RPS6KA5: variants seen among roughly 807,000 people sequenced by gnomAD.
The protein encoded by RPS6KA5 is ribosomal protein S6 kinase alpha-5.
Under a neutral mutation model 85.5 loss-of-function variants are expected in RPS6KA5, and 27 were observed. The observed-to-expected ratio is 0.32, with a 90% CI of 0.23 to 0.44. The LOEUF (loss-of-function observed/expected upper bound fraction) is 0.44. Among genes scored for constraint, RPS6KA5 ranks in the 20% least tolerant of loss-of-function variants. RPS6KA5 has a pLI of 1.00. For synonymous variants in RPS6KA5, 334 were observed against 348.2 expected, an observed-to-expected ratio of 0.96 and a Z score of 0.46; for missense variants, 811 against 980.9, an observed-to-expected ratio of 0.83 and a Z score of 2.31.
intron 2 of RPS6KA5, among the ~76,000 whole-genome samples, chr14:90,992,100 A>T (rs78387716): frequency 1.3e-5 from 2 of 152,198 alleles, no homozygotes; most frequent in African/African-American, 4.8e-5. Context: ...GCTGAAAAAA[A>T]TTTATCTTAA....
intron 1 of RPS6KA5, among the ~76,000 whole-genome samples, chr14:91,051,559 G>C (rs536945924): frequency 4.2e-4 from 64 of 152,208 alleles, no homozygotes; most frequent in Non-Finnish European, 6.9e-4. Context: ...TGCGATCGCA[G>C]CTCACTGCAA....
At chr14:90,948,703 AAAC>A (rs1018156541) in intron 3 of RPS6KA5, among the ~76,000 whole-genome samples, 17 of 151,696 alleles carry the variant, frequency 1.1e-4, no homozygotes, top group Non-Finnish European at 2.1e-4. Context: ...TCAAAAAAAA[AAAC>A]AAAAAAACCC....
intron 12 of RPS6KA5, among the ~76,000 whole-genome samples, chr14:90,895,084 T>C (rs182560468): frequency 8.5e-5 from 13 of 152,336 alleles, no homozygotes; most frequent in African/African-American, 3.1e-4. Context: ...TCACTTGCTT[T>C]AAATAATACA....
At chr14:91,047,996 T>A (rs889505488) in intron 1 of RPS6KA5, among the ~76,000 whole-genome samples, 1 of 152,208 alleles carries the variant, frequency 6.6e-6, no homozygotes, top group Admixed American at 6.5e-5. Flanking sequence ...CCACATGGAT[T>A]ACCCAAAATA....
chr14:90,949,420 T>C (rs1236122062), intron 3 of RPS6KA5, among the ~76,000 whole-genome samples: 2 of 152,234 alleles, frequency 1.3e-5, no homozygotes, highest in African/African-American at 4.8e-5. Context: ...CATACTTACT[T>C]TCTCTGCTAA....
At chr14:91,057,015 G>A (rs888401096) in intron 1 of RPS6KA5, among the ~76,000 whole-genome samples, 2 of 151,076 alleles carry the variant, frequency 1.3e-5, no homozygotes, top group Non-Finnish European at 2.9e-5. Flanking sequence ...GAGTAGCTGG[G>A]ACTACAGGTA....
chr14:90,998,709 T>G (rs2040640233), intron 2 of RPS6KA5, among the ~76,000 whole-genome samples: 1 of 152,214 alleles, frequency 6.6e-6, no homozygotes, highest in African/African-American at 2.4e-5. Context: ...AAGGTGGAAA[T>G]GTACAATAAC....
chr14:90,925,734 C>A (rs1338437621), intron 5 of RPS6KA5, among the ~76,000 whole-genome samples: 2 of 151,130 alleles, frequency 1.3e-5, no homozygotes, highest in East Asian at 3.9e-4. Flanking sequence ...TAAAATAAGA[C>A]AGCCTGGGCA....
At chr14:90,935,748 T>C (rs2037220281) in intron 5 of RPS6KA5, among the ~76,000 whole-genome samples, 1 of 152,230 alleles carries the variant, frequency 6.6e-6, no homozygotes, top group African/African-American at 2.4e-5. Context: ...AGCCAACATA[T>C]TATTTTTCTT....
intron 3 of RPS6KA5, among the ~76,000 whole-genome samples, chr14:90,957,231 A>C (rs556710528): frequency 1.5e-3 from 231 of 151,996 alleles, no homozygotes; most frequent in Non-Finnish European, 1.5e-3. Flanking sequence ...TGCCTGGGTA[A>C]TTTTTGTATT....
At chr14:90,880,848 T>G (rs2033790865) in intron 14 of RPS6KA5, among the ~76,000 whole-genome samples, 2 of 151,590 alleles carry the variant, frequency 1.3e-5, no homozygotes, top group Admixed American at 6.6e-5. Flanking sequence ...TTTTTTTTTT[T>G]TGTGAGACAA....
chr14:90,882,807 A>T (rs1456281334), intron 14 of RPS6KA5, among the ~76,000 whole-genome samples: 2 of 148,694 alleles, frequency 1.3e-5, no homozygotes, highest in African/African-American at 4.9e-5. Context: ...GTTGCTTTCA[A>T]GATTCTATTT....
rs1429864579 is a variant in RPS6KA5 at position 90,868,817 on chromosome 14, TTCTA to T, written c.*3253_*3256del. 17 of 152,214 alleles carry T rather than the reference TTCTA, an allele frequency of 1.1e-4. No homozygotes were observed. The highest frequency in any genetic ancestry group is 3.9e-4 in the African/African-American group (16 of 41,454). 9.4% of individuals were successfully genotyped at this position (152,214 alleles called of 1,614,324 possible). ...ATTTCCTTACTTTAAAAAAAGTGACTTCTATCTTAGTAGATTTCTTTAAAATAAC... is the reference window on the plus strand; with the variant it reads ...ATTTCCTTACTTTAAAAAAAGTGACTTCTTAGTAGATTTCTTTAAAATAAC... On this transcript the variant is annotated 3_prime_UTR_variant, in exon 17 of 17. Coordinates refer to ENST00000614987, the MANE Select transcript of RPS6KA5 (RefSeq NM_004755.4).
chr14:91,052,638 C>G (rs1252659120), intron 1 of RPS6KA5, among the ~76,000 whole-genome samples: 1 of 149,342 alleles, frequency 6.7e-6, no homozygotes, highest in Non-Finnish European at 1.5e-5. Flanking sequence ...TCCTGGCTAA[C>G]ACGATGAAAC....
intron 3 of RPS6KA5, among the ~76,000 whole-genome samples, chr14:90,948,914 C>T (rs2038026258): frequency 6.6e-6 from 1 of 152,270 alleles, no homozygotes; most frequent in African/African-American, 2.4e-5. Flanking sequence ...CATGAACTCA[C>T]AAATTTTTCT....
chr14:90,863,825 T>C lies in RPS6KA5; in HGVS notation c.*8249A>G, dbSNP rs1008101299. The C allele has an allele frequency of 6.6e-6, 1 of 152,224 alleles. No individual in the cohort carries two copies. Among genetic ancestry groups the C allele is most frequent in the African/African-American group, 2.4e-5 (1 of 41,458 alleles). 9.4% of individuals were successfully genotyped at this position (152,224 alleles called of 1,614,324 possible). On this transcript the variant is annotated 3_prime_UTR_variant, in exon 17 of 17. Transcript: ENST00000614987. ...TATAATTTCTCCTGAAATTGATTTA[T>C]ACATTCAATGCAATACCAATTAAAC...
intron 5 of RPS6KA5, among the ~76,000 whole-genome samples, chr14:90,938,836 T>C (rs918800388): frequency 6.6e-6 from 1 of 152,212 alleles, no homozygotes; most frequent in African/African-American, 2.4e-5. Context: ...CCTCCAGGCC[T>C]ATGATGGGAG....
chr14:90,996,193 G>GTTTTTTTTTTTTT (rs750582176), intron 2 of RPS6KA5, among the ~76,000 whole-genome samples: 1 of 138,712 alleles, frequency 7.2e-6, no homozygotes, highest in Non-Finnish European at 1.6e-5. Flanking sequence ...TGTTTTTTTT[G>GTTTTTTTTTTTTT]TTTTTTTTTT....
At position 90,900,139 on chromosome 14, in the gene RPS6KA5, G is replaced by C; in HGVS notation, c.1348C>G (p.Gln450Glu). 6.2e-7 allele frequency: 1 copy of C among 1,601,652 alleles called. No homozygotes were observed. The highest frequency in any genetic ancestry group is 1.3e-5 in the African/African-American group (1 of 74,722). Reference sequence around the variant, plus strand: ...CTGATTATTTTGACTGCAAAAGCTTGGTTACTTTTTTTATGCACACACTTT... The same window carrying C: ...CTGATTATTTTGACTGCAAAAGCTTCGTTACTTTTTTTATGCACACACTTT... ...CRKCVHKKSN[Q>E]AFAVKIISKR... Residue 450 changes from glutamine (Q) to glutamate (E), a missense_variant, in exon 11 of 17, where the codon CAA (glutamine) becomes GAA (glutamate). By Grantham distance (29) the Gln-to-Glu change is conservative (BLOSUM62 2). Transcript: ENST00000614987.
Sources: allele counts gnomAD v4.1 joint callset (sites outside exome capture counted in the v4.1 genomes callset), GRCh38; gene constraint gnomAD v4.1.1; transcripts MANE v1.5; gene names NCBI Gene and HGNC (gene_info 2026-07-23, HGNC 2026-07-21).